RBFOX1: variants seen among roughly 807,000 people sequenced by gnomAD.
RBFOX1 encodes RNA binding protein fox-1 homolog 1.
RBFOX1 carries 8 observed loss-of-function variants against 57.7 expected under a neutral mutation model. That is an observed-to-expected ratio of 0.14 (90% CI 0.08 to 0.25). The LOEUF is 0.25. Among genes scored for constraint, RBFOX1 ranks in the 10% least tolerant of loss-of-function variants. The probability of loss-of-function intolerance (pLI) is 1.00; values close to 1 mark genes in which losing one functional copy is unlikely to be tolerated. For synonymous variants in RBFOX1, 326 were observed against 222.4 expected, an observed-to-expected ratio of 1.47 and a Z score of -4.15; for missense variants, 611 against 548.5, an observed-to-expected ratio of 1.11 and a Z score of -1.14.
intron 3 of RBFOX1, among the ~76,000 whole-genome samples, chr16:7,018,875 T>C (rs571944255): frequency 1.3e-4 from 20 of 152,090 alleles, no homozygotes; most frequent in African/African-American, 1.2e-4. Context: ...TCTCAGCACA[T>C]TGGGAGGCCA....
chr16:7,442,634 T>C (rs1314576685), intron 4 of RBFOX1, among the ~76,000 whole-genome samples: 2 of 152,072 alleles, frequency 1.3e-5, no homozygotes, highest in Non-Finnish European at 2.9e-5. Context: ...AAATTTTTGA[T>C]AGGATTTGCA....
At chr16:6,011,189 G>A (rs2094959215) in intron 4 of RBFOX1, among the ~76,000 whole-genome samples, 3 of 152,158 alleles carry the variant, frequency 2.0e-5, no homozygotes, top group African/African-American at 2.4e-5. Context: ...GTACATTAAG[G>A]CAAAGCTATG....
chr16:6,980,082 G>C (rs898256702), intron 3 of RBFOX1, among the ~76,000 whole-genome samples: 2 of 152,146 alleles, frequency 1.3e-5, no homozygotes, highest in African/African-American at 4.8e-5. Flanking sequence ...CTTGACCCTG[G>C]TGTTAGAGTG....
intron 2 of RBFOX1, among the ~76,000 whole-genome samples, chr16:6,608,381 G>C (rs374998183): frequency 1.2e-4 from 18 of 152,148 alleles, no homozygotes; most frequent in African/African-American, 4.1e-4. Context: ...TGTGGGTTTT[G>C]TTTATATGTT....
intron 3 of RBFOX1, among the ~76,000 whole-genome samples, chr16:5,731,818 G>C (rs8058629): frequency 0.18 from 26,846 of 152,112 alleles, 7,024 homozygotes; most frequent in African/African-American, 0.57. Flanking sequence ...TTTTCCAGTG[G>C]TTTCTAATAT....
At chr16:7,339,545 T>C (rs1326314958) in intron 4 of RBFOX1, among the ~76,000 whole-genome samples, 1 of 152,172 alleles carries the variant, frequency 6.6e-6, no homozygotes. Flanking sequence ...GTTCAAGTGA[T>C]TCTCCTGCTT....
intron 2 of RBFOX1, among the ~76,000 whole-genome samples, chr16:5,473,054 C>G (rs1187825544): frequency 2.0e-5 from 3 of 152,220 alleles, no homozygotes; most frequent in African/African-American, 7.2e-5. Flanking sequence ...GCTCTCAGAG[C>G]TGATGTCCCT....
chr16:6,822,959 C>G (rs1254168899), intron 3 of RBFOX1, among the ~76,000 whole-genome samples: 1 of 152,052 alleles, frequency 6.6e-6, no homozygotes, highest in Non-Finnish European at 1.5e-5. Context: ...AGTTCATGGA[C>G]AAAAAACGAT....
At chr16:6,875,887 A>G (rs1327373858) in intron 3 of RBFOX1, among the ~76,000 whole-genome samples, 2 of 152,112 alleles carry the variant, frequency 1.3e-5, no homozygotes, top group Non-Finnish European at 2.9e-5. Flanking sequence ...AATCCAGGCT[A>G]CTTGAAGGGC....
At chr16:6,038,184 T>TA (rs1247158289) in intron 1 of RBFOX1, 8 of 81,416 alleles carry the variant, frequency 9.8e-5, no homozygotes, top group Non-Finnish European at 2.0e-4. Context: ...ATTTTATTAG[T>TA]TTTTTTTTTT....
intron 3 of RBFOX1, among the ~76,000 whole-genome samples, chr16:5,860,846 A>G (rs1440974151): frequency 6.6e-6 from 1 of 152,176 alleles, no homozygotes; most frequent in African/African-American, 2.4e-5. Flanking sequence ...AGAGGCCCTG[A>G]TCTACTCACG....
At chr16:5,349,914 C>G (rs2065225776) in intron 1 of RBFOX1, among the ~76,000 whole-genome samples, 1 of 152,204 alleles carries the variant, frequency 6.6e-6, no homozygotes. Context: ...CCGGCTCCCA[C>G]TCTCCCTGTG....
intron 3 of RBFOX1, among the ~76,000 whole-genome samples, chr16:5,660,608 G>A (rs145682575): frequency 0.012 from 1,767 of 152,206 alleles, 22 homozygotes; most frequent in Non-Finnish European, 0.017. Context: ...CGTTTGCTCT[G>A]TTTAGATAAT....
intron 3 of RBFOX1, among the ~76,000 whole-genome samples, chr16:7,040,346 C>G (rs35396907): frequency 7.2e-5 from 11 of 152,156 alleles, no homozygotes; most frequent in African/African-American, 2.7e-4. Context: ...CCATTAATCA[C>G]ATACTTACTA....
At chr16:5,895,593 A>G (rs907456410) in intron 4 of RBFOX1, among the ~76,000 whole-genome samples, 3 of 152,216 alleles carry the variant, frequency 2.0e-5, no homozygotes, top group Non-Finnish European at 2.9e-5. Context: ...GGGCATAGGA[A>G]GGAGGTATCA....
rs1014612961 is a variant in RBFOX1, at chr16:6,951,360, C to T, written c.-15-100697C>T. 2.4e-4 allele frequency among the ~76,000 whole-genome samples: 36 copies of T among 152,164 alleles called. 1 individual carries two copies. Among genetic ancestry groups the T allele is most frequent in the Admixed American group, 2.3e-3 (35 of 15,272 alleles). ...CTGAGGGTATTCTGGCTAACTCTTTCTACCAAATAAATCACCCTAGTATAA... is the reference window on the plus strand; with the variant it reads ...CTGAGGGTATTCTGGCTAACTCTTTTTACCAAATAAATCACCCTAGTATAA... On this transcript the variant is annotated intron_variant, in intron 3 of 15. Coordinates refer to ENST00000550418, the MANE Select transcript of RBFOX1 (RefSeq NM_018723.4).
chr16:6,665,250 C>G (rs1169774840), intron 3 of RBFOX1, among the ~76,000 whole-genome samples: 1 of 152,104 alleles, frequency 6.6e-6, no homozygotes, highest in African/African-American at 2.4e-5. Context: ...CGATGTCCCT[C>G]TTGTTTGTCT....
intron 4 of RBFOX1, among the ~76,000 whole-genome samples, chr16:7,265,983 T>G (rs1268129511): frequency 5.0e-5 from 7 of 141,152 alleles, no homozygotes; most frequent in Admixed American, 4.9e-4. Context: ...TTTTTTTTTT[T>G]TTTTTTTCTG....
chr16:7,238,011 G>C (rs1021389810), intron 4 of RBFOX1, among the ~76,000 whole-genome samples: 3 of 152,146 alleles, frequency 2.0e-5, no homozygotes, highest in African/African-American at 4.8e-5. Flanking sequence ...CTCAAAAAAA[G>C]AAAAGAGATG....
Sources: allele counts gnomAD v4.1 joint callset (sites outside exome capture counted in the v4.1 genomes callset), GRCh38; gene constraint gnomAD v4.1.1; transcripts MANE v1.5; gene names NCBI Gene and HGNC (gene_info 2026-07-23, HGNC 2026-07-21).